PRR16: variants seen among roughly 807,000 people sequenced by gnomAD.
PRR16 encodes protein Largen.
Under a neutral mutation model 18.2 loss-of-function variants are expected in PRR16, and 6 were observed. The ratio of observed to expected loss-of-function variants is 0.33; its 90% confidence interval spans 0.18 to 0.65. PRR16 has a LOEUF of 0.65. PRR16 is among the 30% of genes least tolerant of loss of function. The probability of loss-of-function intolerance (pLI) is 0.74; values close to 1 mark genes in which losing one functional copy is unlikely to be tolerated. For missense variants in PRR16, 412 were observed against 376.6 expected, an observed-to-expected ratio of 1.09 and a Z score of -0.78; for synonymous variants, 151 against 147.8, an observed-to-expected ratio of 1.02 and a Z score of -0.16.
chr5:120,526,044 C>T (rs1374066057), intron 1 of PRR16, among the ~76,000 whole-genome samples: 1 of 152,076 alleles, frequency 6.6e-6, no homozygotes, highest in Non-Finnish European at 1.5e-5. Context: ...CAGTTAGATC[C>T]ACAATTTCAG....
the PRR16 span, among the ~76,000 whole-genome samples, chr5:120,699,651 A>T: frequency 6.6e-6 from 1 of 152,162 alleles, no homozygotes; most frequent in Non-Finnish European, 1.5e-5. Flanking sequence ...GGGCCTCTAT[A>T]AGTATTAAAG....
intron 1 of PRR16, among the ~76,000 whole-genome samples, chr5:120,569,625 A>G (rs1298908919): frequency 6.6e-6 from 1 of 152,154 alleles, no homozygotes; most frequent in African/African-American, 2.4e-5. Context: ...CTCTTTTAAG[A>G]GATGATAAGA....
chr5:120,756,036 T>C, the PRR16 span, among the ~76,000 whole-genome samples: 7 of 152,058 alleles, frequency 4.6e-5, no homozygotes, highest in African/African-American at 1.7e-4. Flanking sequence ...GTCTGATTGG[T>C]TGTGGAAGGT....
chr5:120,537,451 G>A (rs1486684837), intron 1 of PRR16, among the ~76,000 whole-genome samples: 1 of 151,934 alleles, frequency 6.6e-6, no homozygotes, highest in Admixed American at 6.6e-5. Flanking sequence ...TTGCATACCA[G>A]GCAAAACTCA....
intron 1 of PRR16, among the ~76,000 whole-genome samples, chr5:120,478,600 C>T (rs1749514997): frequency 6.6e-6 from 1 of 152,090 alleles, no homozygotes; most frequent in Non-Finnish European, 1.5e-5. Context: ...ATTTTGGAGA[C>T]ATTTTGTCTA....
chr5:120,574,836 G>A (rs1295839112), intron 1 of PRR16, among the ~76,000 whole-genome samples: 1 of 148,898 alleles, frequency 6.7e-6, no homozygotes, highest in Non-Finnish European at 1.5e-5. Flanking sequence ...ACAACTGTTC[G>A]AGAGTGTACT....
the PRR16 span, among the ~76,000 whole-genome samples, chr5:120,780,587 A>T: frequency 2.0e-5 from 3 of 152,206 alleles, no homozygotes; most frequent in Non-Finnish European, 4.4e-5. Flanking sequence ...ATATAATAAT[A>T]TTACAATTTT....
chr5:120,661,196 T>A (rs944728075), intron 1 of PRR16, among the ~76,000 whole-genome samples: 1 of 152,118 alleles, frequency 6.6e-6, no homozygotes, highest in African/African-American at 2.4e-5. Context: ...GAAACTGTTA[T>A]GTCTGTTGTC....
At chr5:120,567,855 G>T (rs116791481) in intron 1 of PRR16, among the ~76,000 whole-genome samples, 3 of 152,082 alleles carry the variant, frequency 2.0e-5, no homozygotes, top group African/African-American at 7.2e-5. Flanking sequence ...CCCAGTCTCT[G>T]TTAGTTCTTT....
the PRR16 span, among the ~76,000 whole-genome samples, chr5:120,716,219 C>T: frequency 6.6e-6 from 1 of 152,154 alleles, no homozygotes; most frequent in African/African-American, 2.4e-5. Context: ...ATCTGCCACC[C>T]TCCTTGACTT....
At chr5:120,464,920 G>C (rs1222955848) in intron 1 of PRR16, among the ~76,000 whole-genome samples, 2 of 152,138 alleles carry the variant, frequency 1.3e-5, no homozygotes, top group Admixed American at 1.3e-4. Flanking sequence ...CTGAATCTGT[G>C]TGTGTGACGA....
chr5:120,597,654 T>A (rs924440623), intron 1 of PRR16, among the ~76,000 whole-genome samples: 1 of 151,788 alleles, frequency 6.6e-6, no homozygotes, highest in Non-Finnish European at 1.5e-5. Flanking sequence ...TTGATCTGAG[T>A]AACATGATCA....
chr5:120,710,148 T>A, the PRR16 span, among the ~76,000 whole-genome samples: 147 of 152,312 alleles, frequency 9.7e-4, no homozygotes, highest in African/African-American at 3.3e-3. Context: ...TTATTTTCTG[T>A]CTTTTTGATA....
the PRR16 span, among the ~76,000 whole-genome samples, chr5:120,743,286 C>T: frequency 1.3e-5 from 2 of 150,724 alleles, no homozygotes; most frequent in Non-Finnish European, 3.0e-5. Context: ...TTCAGTGTTC[C>T]TTTTATATCT....
chr5:120,608,188 C>CTT (rs1754217523), intron 1 of PRR16, among the ~76,000 whole-genome samples: 1 of 152,138 alleles, frequency 6.6e-6, no homozygotes, highest in Admixed American at 6.5e-5. Flanking sequence ...AAATGAAATC[C>CTT]AGAGGTTTCT....
chr5:120,706,509 A>T, the PRR16 span, among the ~76,000 whole-genome samples: 2 of 152,172 alleles, frequency 1.3e-5, no homozygotes, highest in African/African-American at 2.4e-5. Flanking sequence ...AAGTTGTTCA[A>T]CTGCCGTATC....
the PRR16 span, among the ~76,000 whole-genome samples, chr5:120,744,039 G>A: frequency 6.6e-6 from 1 of 151,802 alleles, no homozygotes; most frequent in Non-Finnish European, 1.5e-5. Context: ...TCAAGAGACT[G>A]TTACTGAGCA....
intron 1 of PRR16, among the ~76,000 whole-genome samples, chr5:120,606,157 A>G (rs1252937017): frequency 6.6e-6 from 1 of 152,176 alleles, no homozygotes; most frequent in Non-Finnish European, 1.5e-5. Context: ...AAGAAACTTC[A>G]GAGTTGTTAA....
intron 1 of PRR16, among the ~76,000 whole-genome samples, chr5:120,668,657 C>CA (rs1756482433): frequency 6.6e-6 from 1 of 152,118 alleles, no homozygotes; most frequent in Non-Finnish European, 1.5e-5. Context: ...CTGGTGGTGA[C>CA]AAAATCTCTC....
Sources: gnomAD v4.1 joint callset for allele counts (sites outside exome capture counted in the v4.1 genomes callset) on GRCh38, gnomAD v4.1.1 for gene constraint, MANE v1.5 for transcripts, NCBI Gene and HGNC (gene_info 2026-07-23, HGNC 2026-07-21) for gene names.